The following ADGRL3 variants were observed in gnomAD, a reference collection of about 807,000 sequenced individuals.
ADGRL3 encodes adhesion G protein-coupled receptor L3.
In ADGRL3, 62 loss-of-function variants were observed where a neutral mutation model predicts 153.5. That is an observed-to-expected ratio of 0.40 (90% CI 0.33 to 0.50). ADGRL3 has a LOEUF of 0.50. ADGRL3 is among the 20% of genes least tolerant of loss of function. ADGRL3 has a pLI of 0.47. For missense variants in ADGRL3, 1,641 were observed against 1,859.4 expected (o/e 0.88, Z 2.16); for synonymous variants, 710 against 672.5 (o/e 1.06, Z -0.86).
intron 4 of ADGRL3, among the ~76,000 whole-genome samples, chr4:61,538,315 A>C (rs999482016): frequency 4.6e-5 from 7 of 152,016 alleles, no homozygotes; most frequent in African/African-American, 1.7e-4. Flanking sequence ...TGTTGTAGTG[A>C]TGTGTTGGAT....
At chr4:61,495,814 A>G (rs1290125623) in intron 2 of ADGRL3, among the ~76,000 whole-genome samples, 2 of 152,170 alleles carry the variant, frequency 1.3e-5, no homozygotes, top group Non-Finnish European at 2.9e-5. Flanking sequence ...GTTTTCTTCA[A>G]TATTCTATTC....
chr4:61,789,489 G>A (rs907096101), intron 8 of ADGRL3, among the ~76,000 whole-genome samples: 6 of 152,190 alleles, frequency 3.9e-5, no homozygotes, highest in East Asian at 1.9e-4. Context: ...GCAATTATAT[G>A]CAAGAAGCTT....
At chr4:61,312,313 T>C (rs1158124229) in intron 1 of ADGRL3, among the ~76,000 whole-genome samples, 1 of 152,158 alleles carries the variant, frequency 6.6e-6, no homozygotes, top group Non-Finnish European at 1.5e-5. Flanking sequence ...TGAAAAACTA[T>C]ACATATCCTA....
At chr4:61,987,797 C>CTTA (rs1472105220) in intron 19 of ADGRL3, among the ~76,000 whole-genome samples, 1 of 152,102 alleles carries the variant, frequency 6.6e-6, no homozygotes, top group Non-Finnish European at 1.5e-5. Context: ...TGCCCACTTA[C>CTTA]AGTACATCTA....
intron 11 of ADGRL3, among the ~76,000 whole-genome samples, chr4:61,898,399 T>G (rs56896942): frequency 0.5 from 75,093 of 151,402 alleles, 18,759 homozygotes; most frequent in East Asian, 0.55. Context: ...AGGAGCAGAG[T>G]TTTAACAGGC....
chr4:61,402,332 A>T (rs1468964308), intron 2 of ADGRL3, among the ~76,000 whole-genome samples: 1 of 152,128 alleles, frequency 6.6e-6, no homozygotes, highest in Non-Finnish European at 1.5e-5. Context: ...AAATTTTTTT[A>T]AAAATTATTC....
intron 3 of ADGRL3, among the ~76,000 whole-genome samples, chr4:61,506,015 A>C (rs1275094331): frequency 6.6e-6 from 1 of 152,068 alleles, no homozygotes; most frequent in African/African-American, 2.4e-5. Context: ...AGTATCATCT[A>C]ATCTAAACTG....
At chr4:61,787,748 TCA>T (rs1228443969) in intron 8 of ADGRL3, among the ~76,000 whole-genome samples, 1 of 152,048 alleles carries the variant, frequency 6.6e-6, no homozygotes, top group Non-Finnish European at 1.5e-5. Context: ...ACAGTAAAAT[TCA>T]CTCATTTTAA....
intron 2 of ADGRL3, among the ~76,000 whole-genome samples, chr4:61,411,474 T>C (rs536243175): frequency 3.3e-5 from 5 of 152,328 alleles, no homozygotes; most frequent in African/African-American, 1.2e-4. Flanking sequence ...CCATAGATAT[T>C]ATTTTGTAAC....
At chr4:61,633,898 A>G (rs1375471124) in intron 5 of ADGRL3, among the ~76,000 whole-genome samples, 3 of 131,374 alleles carry the variant, frequency 2.3e-5, no homozygotes, top group Non-Finnish European at 4.9e-5. Flanking sequence ...TTGTTATTCT[A>G]TATAATGAAG....
At chr4:61,619,881 T>C (rs1307860049) in intron 5 of ADGRL3, among the ~76,000 whole-genome samples, 1 of 152,208 alleles carries the variant, frequency 6.6e-6, no homozygotes, top group Non-Finnish European at 1.5e-5. Flanking sequence ...TACTGCTAGC[T>C]AAGCAAAAAT....
intron 6 of ADGRL3, among the ~76,000 whole-genome samples, chr4:61,724,577 A>T (rs2096293528): frequency 6.6e-6 from 1 of 152,194 alleles, no homozygotes; most frequent in South Asian, 2.1e-4. Flanking sequence ...AGCCATTGTA[A>T]TGCAAGGTAC....
intron 4 of ADGRL3, among the ~76,000 whole-genome samples, chr4:61,551,661 A>G (rs1374380722): frequency 6.6e-6 from 1 of 152,176 alleles, no homozygotes; most frequent in Non-Finnish European, 1.5e-5. Flanking sequence ...ATGGGGTAAT[A>G]TACACAGATT....
chr4:61,637,686 G>A (rs939091373), intron 5 of ADGRL3, among the ~76,000 whole-genome samples: 3 of 152,088 alleles, frequency 2.0e-5, no homozygotes, highest in African/African-American at 4.8e-5. Flanking sequence ...ACTTGAACCC[G>A]GGAGGTGGAA....
intron 9 of ADGRL3, among the ~76,000 whole-genome samples, chr4:61,846,817 G>C (rs2098121471): frequency 6.6e-6 from 1 of 151,872 alleles, no homozygotes; most frequent in South Asian, 2.1e-4. Context: ...CATGGTGAAA[G>C]CAGGAGTGAG....
At chr4:61,830,499 C>T (rs973685171) in intron 9 of ADGRL3, among the ~76,000 whole-genome samples, 3 of 152,158 alleles carry the variant, frequency 2.0e-5, no homozygotes, top group Non-Finnish European at 4.4e-5. Flanking sequence ...TATTCAAGAT[C>T]ATTATTAGAG....
At chr4:61,363,537 T>C (rs1348404999) in intron 1 of ADGRL3, among the ~76,000 whole-genome samples, 1 of 152,196 alleles carries the variant, frequency 6.6e-6, no homozygotes, top group Non-Finnish European at 1.5e-5. Flanking sequence ...CATGTTGCTT[T>C]GCAGCTGTGC....
intron 1 of ADGRL3, among the ~76,000 whole-genome samples, chr4:61,291,355 G>C (rs1197151788): frequency 6.6e-6 from 1 of 151,498 alleles, no homozygotes; most frequent in Non-Finnish European, 1.5e-5. Context: ...ACAATACAGT[G>C]TAACAATGAT....
chr4:61,370,098 C>T lies in ADGRL3; in HGVS notation c.-239-13026C>T, dbSNP rs190181694. 7.6e-4 allele frequency among the ~76,000 whole-genome samples: 116 copies of T among 152,126 alleles called. 1 individual carries two copies. The East Asian group carries it at 0.012, about 16-fold the overall frequency. ...ATATCCCCTTTATCATTTTCTATTG[C>T]GTCTATTTGATTCTTCTCTCTTTTT... On this transcript the variant is annotated intron_variant, in intron 1 of 26. Transcript: ENST00000683033.
Sources: allele counts gnomAD v4.1 joint callset (sites outside exome capture counted in the v4.1 genomes callset), GRCh38; gene constraint gnomAD v4.1.1; transcripts MANE v1.5; gene names NCBI Gene and HGNC (gene_info 2026-07-23, HGNC 2026-07-21).